Variants in CLTRN observed in about 807,000 individuals in gnomAD.
CLTRN encodes collectrin, amino acid transport regulator, also known as collectrin.
A neutral mutation model predicts 14.5 loss-of-function variants in CLTRN; 12 were observed. That is an observed-to-expected ratio of 0.83 (90% confidence interval 0.53 to 1.34). CLTRN has a LOEUF of 1.34. Among genes scored for constraint, CLTRN ranks in the 40% most tolerant of loss-of-function variants. CLTRN has a pLI of 0.00. For missense variants in CLTRN, 154 were observed against 165.1 expected (o/e 0.93, Z 0.37); for synonymous variants, 58 against 56.5 (o/e 1.03, Z -0.12).
chrX:15,650,500 A>T (rs950923722), intron 3 of CLTRN, among the ~76,000 whole-genome samples: 2 of 112,184 alleles, frequency 1.8e-5, no homozygotes, highest in Non-Finnish European at 3.8e-5. Context: ...TGAATTTTTT[A>T]AAAATTCTTT....
upstream of CLTRN, among the ~76,000 whole-genome samples, chrX:15,668,126 A>C (rs1450950675): frequency 8.9e-6 from 1 of 112,423 alleles, no homozygotes; most frequent in Non-Finnish European, 1.9e-5. Context: ...AACATCCATA[A>C]TACTACCAGA....
intron 3 of CLTRN, among the ~76,000 whole-genome samples, chrX:15,655,536 C>A (rs1455081715): frequency 2.7e-5 from 3 of 112,246 alleles, no homozygotes; most frequent in Non-Finnish European, 3.8e-5. Context: ...GCCCAATAGG[C>A]AGTAACTCTA....
At chrX:15,670,101 C>T (rs1431675575) in intron 1 of CLTRN, among the ~76,000 whole-genome samples, 1 of 109,431 alleles carries the variant, frequency 9.1e-6, no homozygotes, top group Middle Eastern at 4.2e-3. Context: ...CATGGCGAAA[C>T]CCCCTCTCTA....
At chrX:15,671,842 G>A (rs993544684) in intron 1 of CLTRN, among the ~76,000 whole-genome samples, 49 of 59,384 alleles carry the variant, frequency 8.3e-4, no homozygotes, top group African/African-American at 3.2e-3. Flanking sequence ...AATTTTATGC[G>A]CGCACACACA....
chrX:15,656,694 T>C (rs1445035170), intron 3 of CLTRN, among the ~76,000 whole-genome samples: 1 of 111,322 alleles, frequency 9.0e-6, no homozygotes, highest in Non-Finnish European at 1.9e-5. Flanking sequence ...CCCTTTCCCA[T>C]AGCTCTTCAT....
chrX:15,637,322 C>T (rs746731818), intron 5 of CLTRN, among the ~76,000 whole-genome samples: 1 of 111,703 alleles, frequency 9.0e-6, no homozygotes, highest in East Asian at 2.8e-4. Context: ...TTTCAGGGCT[C>T]TCCCCACTTC....
At chrX:15,673,066 T>C (rs891196555) in intron 1 of CLTRN, among the ~76,000 whole-genome samples, 16 of 112,337 alleles carry the variant, frequency 1.4e-4, no homozygotes, top group Non-Finnish European at 3.0e-4. Flanking sequence ...GGAATGTGGG[T>C]GTAACAACTT....
chrX:15,641,329 T>C (rs1307209589), intron 4 of CLTRN, among the ~76,000 whole-genome samples: 1 of 111,850 alleles, frequency 8.9e-6, no homozygotes, highest in Non-Finnish European at 1.9e-5. Context: ...TTTGTCTACC[T>C]CTAGAGCAGC....
In CLTRN at chrX:15,664,704, T is replaced by G; in HGVS notation, c.58+14A>C. 1 of 1,190,887 alleles carries G rather than the reference T, an allele frequency of 8.4e-7. No individual in the cohort carries two copies. The highest frequency in any genetic ancestry group is 1.1e-6 in the Non-Finnish European group (1 of 879,831). On this transcript the variant is annotated intron_variant, in intron 1 of 5. Coordinates refer to ENST00000380342, the MANE Select transcript of CLTRN (RefSeq NM_020665.6). ...AAAACTGTTCATCTATTTTTAAATTTCAAGGCTACATACCTGGTTGACAGA... is the reference window on the plus strand; with the variant it reads ...AAAACTGTTCATCTATTTTTAAATTGCAAGGCTACATACCTGGTTGACAGA...
intron 3 of CLTRN, chrX:15,646,312 GC>G (rs1569251448): frequency 3.9e-6 from 1 of 257,814 alleles, no homozygotes; most frequent in Admixed American, 5.2e-5. Context: ...TGGTCACTGA[GC>G]CCGGACACTA....
chrX:15,658,285 C>A (rs1478053285), intron 3 of CLTRN, among the ~76,000 whole-genome samples: 2 of 112,478 alleles, frequency 1.8e-5, no homozygotes, highest in South Asian at 7.3e-4. Flanking sequence ...GCAAGTACAA[C>A]CTTAGGGTGT....
chrX:15,669,721 C>T (rs1410959393), upstream of CLTRN, among the ~76,000 whole-genome samples: 1 of 111,911 alleles, frequency 8.9e-6, no homozygotes, highest in Non-Finnish European at 1.9e-5. Flanking sequence ...CTCCATTCAC[C>T]TCCAATAAAG....
intron 4 of CLTRN, among the ~76,000 whole-genome samples, chrX:15,644,062 G>A (rs2147201686): frequency 8.9e-6 from 1 of 111,963 alleles, no homozygotes; most frequent in Non-Finnish European, 1.9e-5. Context: ...CCTAATTCTT[G>A]AAAGTCTCGA....
chrX:15,672,084 G>A (rs902765854), intron 1 of CLTRN, among the ~76,000 whole-genome samples: 4 of 112,026 alleles, frequency 3.6e-5, no homozygotes, highest in African/African-American at 1.3e-4. Context: ...TTCTACTTCA[G>A]AGAAAGTTAA....
upstream of CLTRN, among the ~76,000 whole-genome samples, chrX:15,667,815 C>G (rs1460487318): frequency 9.0e-6 from 1 of 111,440 alleles, no homozygotes; most frequent in Non-Finnish European, 1.9e-5. Context: ...ACCTCCTGGG[C>G]TCAAGCAACC....
At chrX:15,630,363 AGAAGGAAGGAAGGAAGGAAG>A (rs67681066) in intron 5 of CLTRN, among the ~76,000 whole-genome samples, 7 of 54,674 alleles carry the variant, frequency 1.3e-4, no homozygotes, top group Admixed American at 8.0e-4. Context: ...ACCACAAGAA[AGAAGGAAGGAAGGAAGGAAG>A]GAAGGAAGGA....
intron 5 of CLTRN, among the ~76,000 whole-genome samples, chrX:15,632,950 A>G (rs1391514034): frequency 9.1e-6 from 1 of 110,186 alleles, no homozygotes; most frequent in Non-Finnish European, 1.9e-5. Context: ...GAAAGACAAT[A>G]AAAGACAGAC....
chrX:15,673,003 G>A (rs933371720), intron 1 of CLTRN, among the ~76,000 whole-genome samples: 1 of 112,263 alleles, frequency 8.9e-6, no homozygotes, highest in African/African-American at 3.2e-5. Flanking sequence ...GATGGTTCAT[G>A]AAATTGATTC....
At chrX:15,662,731 C>G (rs753283846) in intron 2 of CLTRN, among the ~76,000 whole-genome samples, 2 of 111,611 alleles carry the variant, frequency 1.8e-5, no homozygotes, top group Non-Finnish European at 3.8e-5. Flanking sequence ...ACGAAAAGAG[C>G]TCTTTCTAAA....
Sources: allele counts gnomAD v4.1 joint callset (sites outside exome capture counted in the v4.1 genomes callset), GRCh38; gene constraint gnomAD v4.1.1; transcripts MANE v1.5; gene names NCBI Gene and HGNC (gene_info 2026-07-23, HGNC 2026-07-21).